Variants in NHERF1 observed in about 807,000 individuals in gnomAD.
NHERF1 encodes Na(+)/H(+) exchange regulatory cofactor NHE-RF1.
the NHERF1 span, chr17:74,763,333 G>C: frequency 1.2e-5 from 19 of 1,597,116 alleles, no homozygotes; most frequent in Admixed American, 1.7e-5. Context: ...ACCAAGGCCT[G>C]TGTCCGTAAC....
chr17:74,757,983 T>G, the NHERF1 span, among the ~76,000 whole-genome samples: 1 of 152,194 alleles, frequency 6.6e-6, no homozygotes, highest in African/African-American at 2.4e-5. Flanking sequence ...GGTCCTGAGC[T>G]AGCTGGCTCG....
At chr17:74,764,690 T>C in the NHERF1 span, among the ~76,000 whole-genome samples, 3 of 152,270 alleles carry the variant, frequency 2.0e-5, no homozygotes, top group African/African-American at 7.2e-5. This position sits in a 1 kb window ranked among gnomAD's most constrained non-coding sequence, Gnocchi z 4.9. Flanking sequence ...TGCCTGTCTC[T>C]CGGGCTAGAG....
the NHERF1 span, among the ~76,000 whole-genome samples, chr17:74,752,893 C>T: frequency 2.0e-5 from 3 of 152,352 alleles, no homozygotes; most frequent in Non-Finnish European, 2.9e-5. Context: ...CAGCGCTGTC[C>T]TTGGCACATG....
chr17:74,752,021 T>A, the NHERF1 span, among the ~76,000 whole-genome samples: 1 of 152,234 alleles, frequency 6.6e-6, no homozygotes, highest in Admixed American at 6.5e-5. Flanking sequence ...TTCATAGTGA[T>A]CATTGCACAC....
chr17:74,752,079 T>C, the NHERF1 span, among the ~76,000 whole-genome samples: 4 of 152,194 alleles, frequency 2.6e-5, no homozygotes, highest in Non-Finnish European at 5.9e-5. Flanking sequence ...GTTGGGCAAA[T>C]GCCACTGTGG....
chr17:74,758,228 C>T, the NHERF1 span, among the ~76,000 whole-genome samples: 11 of 152,344 alleles, frequency 7.2e-5, no homozygotes, highest in East Asian at 2.1e-3. This position sits in a 1 kb window ranked among gnomAD's most constrained non-coding sequence, Gnocchi z 4.3. Context: ...TCCGTGCCCG[C>T]CATCCGCTCC....
the NHERF1 span, among the ~76,000 whole-genome samples, chr17:74,763,899 C>T: frequency 6.6e-6 from 1 of 152,246 alleles, no homozygotes; most frequent in South Asian, 2.1e-4. Context: ...GGGAGGCCTC[C>T]AGCCTTTGCT....
the NHERF1 span, chr17:74,768,603 C>T: frequency 7.4e-6 from 12 of 1,614,144 alleles, no homozygotes; most frequent in African/African-American, 2.7e-5. Flanking sequence ...CAGCAGCAAA[C>T]GGGCCCCGCA....
At chr17:74,767,207 G>A in the NHERF1 span, among the ~76,000 whole-genome samples, 9 of 152,126 alleles carry the variant, frequency 5.9e-5, no homozygotes, top group African/African-American at 1.4e-4. Flanking sequence ...TCTGCAGCCC[G>A]CCATCCTGGG....
chr17:74,768,956 G>C, the NHERF1 span: 2 of 444,966 alleles, frequency 4.5e-6, no homozygotes, highest in Non-Finnish European at 8.2e-6. Context: ...ACCATGCCAG[G>C]ATCATGGGAC....
the NHERF1 span, among the ~76,000 whole-genome samples, chr17:74,758,531 A>G: frequency 6.6e-6 from 1 of 151,980 alleles, no homozygotes; most frequent in Non-Finnish European, 1.5e-5. This position sits in a 1 kb window ranked among gnomAD's most constrained non-coding sequence, Gnocchi z 4.3. Flanking sequence ...CTCCTCTCTG[A>G]GCAGATCCTG....
At chr17:74,757,424 T>G in the NHERF1 span, among the ~76,000 whole-genome samples, 4 of 151,846 alleles carry the variant, frequency 2.6e-5, no homozygotes, top group Admixed American at 1.3e-4. Flanking sequence ...GGGGGTCCCA[T>G]AGAGTAAAAT....
chr17:74,767,928 C>T, the NHERF1 span: 1 of 667,542 alleles, frequency 1.5e-6, no homozygotes, highest in Non-Finnish European at 2.8e-6. Flanking sequence ...CATCCCATCC[C>T]TCCAGCCTGA....
At chr17:74,768,711 T>C in the NHERF1 span, 1 of 1,494,580 alleles carries the variant, frequency 6.7e-7, no homozygotes. Context: ...CCACCCCACC[T>C]TTTTCCTTCT....
chr17:74,752,161 G>A, the NHERF1 span, among the ~76,000 whole-genome samples: 1,308 of 152,328 alleles, frequency 8.6e-3, 11 homozygotes, highest in African/African-American at 0.029. Flanking sequence ...GTGGCCAGGT[G>A]TGGTGGCTCA....
chr17:74,764,378 C>T, the NHERF1 span, among the ~76,000 whole-genome samples: 7 of 152,222 alleles, frequency 4.6e-5, no homozygotes, highest in African/African-American at 1.7e-4. The surrounding 1 kb of genome is among the most constrained non-coding windows in gnomAD (Gnocchi z 4.9). Flanking sequence ...AATCCAAGGC[C>T]TGAGGCTCCT....
At chr17:74,767,889 G>C in the NHERF1 span, 1 of 593,138 alleles carries the variant, frequency 1.7e-6, no homozygotes, top group South Asian at 1.6e-5. Flanking sequence ...AGAGGGAGCG[G>C]TTCAGCTAAT....
chr17:74,755,384 G>T, the NHERF1 span, among the ~76,000 whole-genome samples: 1 of 152,272 alleles, frequency 6.6e-6, no homozygotes, highest in East Asian at 1.9e-4. Context: ...CCCAGAACCT[G>T]CACAGAGAGC....
At chr17:74,767,384 G>T in the NHERF1 span, among the ~76,000 whole-genome samples, 1 of 152,192 alleles carries the variant, frequency 6.6e-6, no homozygotes, top group Non-Finnish European at 1.5e-5. Flanking sequence ...AGGGAAAGGG[G>T]GTGAGGCCCG....
Sources: allele counts gnomAD v4.1 joint callset (sites outside exome capture counted in the v4.1 genomes callset), GRCh38; gene constraint gnomAD v4.1.1; non-coding constraint Gnocchi (gnomAD v3.1); transcripts MANE v1.5; gene names NCBI Gene and HGNC (gene_info 2026-07-23, HGNC 2026-07-21).